The following RALGPS1 variants were observed in gnomAD, a reference collection of about 807,000 sequenced individuals.
RALGPS1 encodes the protein Ral GEF with PH domain and SH3 binding motif 1, also known as ras-specific guanine nucleotide-releasing factor RalGPS1.
A neutral mutation model predicts 78.8 loss-of-function variants in RALGPS1; 19 were observed. That is an observed-to-expected ratio of 0.24 (90% CI 0.17 to 0.35). The LOEUF (loss-of-function observed/expected upper bound fraction) is 0.35. Among genes scored for constraint, RALGPS1 ranks in the 10% least tolerant of loss-of-function variants. The pLI is 1.00. For missense variants in RALGPS1, 454 were observed against 688.3 expected, an observed-to-expected ratio of 0.66 and a Z score of 3.81; for synonymous variants, 228 against 256.3, an observed-to-expected ratio of 0.89 and a Z score of 1.06.
chr9:126,925,474 G>C (rs987455543), intron 1 of RALGPS1, among the ~76,000 whole-genome samples: 3 of 152,042 alleles, frequency 2.0e-5, no homozygotes, highest in Admixed American at 6.6e-5. Context: ...CTGGAACCTG[G>C]GGGGCAGAGG....
intron 3 of RALGPS1, among the ~76,000 whole-genome samples, chr9:126,969,254 G>A (rs536729246): frequency 4.6e-5 from 7 of 152,254 alleles, no homozygotes; most frequent in African/African-American, 1.7e-4. Flanking sequence ...TAAGAGACAA[G>A]GTCTCACTAT....
chr9:127,213,145 C>T, intron 17 of RALGPS1, 96 bp downstream of exon 17: 1 of 1,532,896 alleles, frequency 6.5e-7, no homozygotes, highest in Non-Finnish European at 8.8e-7. Context: ...GCTTTTGAGG[C>T]TGCTGCCTTC....
chr9:126,918,036 T>C (rs908107356), intron 1 of RALGPS1, among the ~76,000 whole-genome samples: 7 of 152,188 alleles, frequency 4.6e-5, no homozygotes, highest in African/African-American at 1.7e-4. Context: ...CGAATGCTTG[T>C]TGAAAGAACA....
chr9:126,945,197 CTT>C (rs969093187), intron 1 of RALGPS1, among the ~76,000 whole-genome samples: 17 of 152,084 alleles, frequency 1.1e-4, no homozygotes, highest in Admixed American at 2.0e-4. Context: ...GGTGTCCTCT[CTT>C]TCTCTTGCTT....
intron 4 of RALGPS1, among the ~76,000 whole-genome samples, chr9:127,022,605 A>G (rs2045569513): frequency 6.8e-6 from 1 of 146,512 alleles, no homozygotes; most frequent in Non-Finnish European, 1.5e-5. Context: ...TTCTTCTCCC[A>G]CTCCTCCCCA....
At chr9:126,927,948 T>C (rs1364624674) in intron 1 of RALGPS1, among the ~76,000 whole-genome samples, 1 of 152,214 alleles carries the variant, frequency 6.6e-6, no homozygotes, top group Non-Finnish European at 1.5e-5. Context: ...TATCCTGTGC[T>C]TGGGTAGCAG....
chr9:127,038,662 C>T (rs758018076), intron 5 of RALGPS1, among the ~76,000 whole-genome samples: 5 of 152,274 alleles, frequency 3.3e-5, no homozygotes, highest in Non-Finnish European at 5.9e-5. Flanking sequence ...AACAAATTGT[C>T]GCCTTTGCCA....
intron 8 of RALGPS1, among the ~76,000 whole-genome samples, chr9:127,110,805 A>G (rs1456933853): frequency 1.3e-5 from 2 of 152,124 alleles, no homozygotes; most frequent in East Asian, 3.8e-4. Flanking sequence ...ATATTCTTAG[A>G]GTCCTGTGTC....
chr9:127,108,979 G>A (rs2054537223), intron 8 of RALGPS1, among the ~76,000 whole-genome samples: 1 of 152,312 alleles, frequency 6.6e-6, no homozygotes, highest in Middle Eastern at 3.4e-3. Flanking sequence ...CCCAGCAGAG[G>A]TAGAAGGGAA....
intron 14 of RALGPS1, among the ~76,000 whole-genome samples, chr9:127,199,504 CAG>C (rs923078848): frequency 9.9e-6 from 1 of 101,482 alleles, no homozygotes; most frequent in African/African-American, 3.1e-5. Context: ...GCACTGGTGA[CAG>C]GGAAGTGGCC....
chr9:126,924,000 A>G (rs1024874422), intron 1 of RALGPS1, among the ~76,000 whole-genome samples: 7 of 152,146 alleles, frequency 4.6e-5, no homozygotes, highest in Admixed American at 3.3e-4. Context: ...TGCTTATCAC[A>G]TATAGTGTCC....
chr9:127,010,707 A>T (rs1267857351), intron 4 of RALGPS1, among the ~76,000 whole-genome samples: 1 of 152,222 alleles, frequency 6.6e-6, no homozygotes, highest in Admixed American at 6.5e-5. Context: ...GAGCCCACAG[A>T]GGAGTCAGGG....
intron 1 of RALGPS1, among the ~76,000 whole-genome samples, chr9:126,937,820 T>C (rs2036402624): frequency 6.6e-6 from 1 of 152,152 alleles, no homozygotes; most frequent in Non-Finnish European, 1.5e-5. Context: ...GGTGCTTGGC[T>C]AAAGATGGGA....
chr9:127,140,381 G>C (rs1348518859), intron 8 of RALGPS1, among the ~76,000 whole-genome samples: 1 of 152,194 alleles, frequency 6.6e-6, no homozygotes, highest in Non-Finnish European at 1.5e-5. Flanking sequence ...GTCCTGAACG[G>C]GATGTACCCA....
chr9:127,200,511 A>G (rs2061575814), intron 14 of RALGPS1, among the ~76,000 whole-genome samples: 1 of 152,238 alleles, frequency 6.6e-6, no homozygotes, highest in South Asian at 2.1e-4. Flanking sequence ...CCACCTCTTC[A>G]TCACTGCTCC....
At chr9:127,000,773 C>T (rs2043223653) in intron 4 of RALGPS1, among the ~76,000 whole-genome samples, 1 of 151,030 alleles carries the variant, frequency 6.6e-6, no homozygotes, top group Non-Finnish European at 1.5e-5. Context: ...AGGCTGGTCT[C>T]AAACTCCTGA....
chr9:127,188,445 A>T (rs1161525846), intron 11 of RALGPS1, among the ~76,000 whole-genome samples: 6 of 152,222 alleles, frequency 3.9e-5, no homozygotes, highest in East Asian at 1.9e-4. Flanking sequence ...TTTCCTTTAG[A>T]GTCATGCCTC....
rs1321079070 is a variant in RALGPS1, at chr9:127,190,278, T to C, written c.911-4813T>C. Among the ~76,000 whole-genome samples, 3 of 152,248 alleles carry C rather than the reference T, an allele frequency of 2.0e-5. No homozygotes were observed. The East Asian group carries it at 5.8e-4, about 29-fold the overall frequency. On this transcript the variant is annotated intron_variant, in intron 11 of 18. Transcript: ENST00000259351. Reference sequence around the variant, plus strand: ...CTAAGTGGCATAATGCCATAAACATTCTTTTGCAACTTACTCTCTCCACTT... The same window carrying C: ...CTAAGTGGCATAATGCCATAAACATCCTTTTGCAACTTACTCTCTCCACTT...
intron 1 of RALGPS1, among the ~76,000 whole-genome samples, chr9:126,924,859 C>A (rs368570252): frequency 1.3e-5 from 2 of 152,258 alleles, no homozygotes; most frequent in Non-Finnish European, 2.9e-5. Flanking sequence ...GGCGTGGTGG[C>A]TGACGCCTGT....
Sources: allele counts gnomAD v4.1 joint callset (sites outside exome capture counted in the v4.1 genomes callset), GRCh38; gene constraint gnomAD v4.1.1; transcripts MANE v1.5; gene names NCBI Gene and HGNC (gene_info 2026-07-23, HGNC 2026-07-21).